GUCY1A2: variants seen among roughly 807,000 people sequenced by gnomAD.
The protein encoded by GUCY1A2 is guanylate cyclase soluble subunit alpha-2.
GUCY1A2 carries 27 observed loss-of-function variants against 63.5 expected under a neutral mutation model. The observed-to-expected ratio is 0.43, with a 90% confidence interval of 0.31 to 0.59. The LOEUF (loss-of-function observed/expected upper bound fraction) is 0.59. Among genes scored for constraint, GUCY1A2 ranks in the 20% least tolerant of loss-of-function variants. The probability of loss-of-function intolerance (pLI) is 0.11; values close to 1 mark genes in which losing one functional copy is unlikely to be tolerated. For synonymous variants in GUCY1A2, 364 were observed against 343.5 expected (o/e 1.06, Z -0.66); for missense variants, 768 against 913.3 (o/e 0.84, Z 2.05).
intron 2 of GUCY1A2, among the ~76,000 whole-genome samples, chr11:106,979,855 A>T (rs1165289134): frequency 6.6e-6 from 1 of 152,184 alleles, no homozygotes; most frequent in African/African-American, 2.4e-5. Context: ...GAAGCAAAAG[A>T]ACAGAAAGAC....
chr11:106,767,096 T>TGTATCAGTAGTCTTA (rs796695502), intron 6 of GUCY1A2, among the ~76,000 whole-genome samples: 43 of 152,220 alleles, frequency 2.8e-4, no homozygotes, highest in African/African-American at 1.0e-3. Context: ...CTATGGACAT[T>TGTATCAGTAGTCTTA]GTATCAGTAG....
chr11:106,696,164 T>C (rs552181600), intron 7 of GUCY1A2, among the ~76,000 whole-genome samples: 1 of 152,332 alleles, frequency 6.6e-6, no homozygotes, highest in South Asian at 2.1e-4. Flanking sequence ...GGATGCTAAA[T>C]AACTAAAGAT....
chr11:106,965,197 G>A (rs1489942945), intron 3 of GUCY1A2, among the ~76,000 whole-genome samples: 7 of 151,930 alleles, frequency 4.6e-5, no homozygotes, highest in African/African-American at 7.3e-5. Context: ...CTTTCCTGTA[G>A]TTTAAAAAAC....
chr11:106,743,417 G>A (rs1863731941), intron 6 of GUCY1A2, among the ~76,000 whole-genome samples: 1 of 152,136 alleles, frequency 6.6e-6, no homozygotes, highest in South Asian at 2.1e-4. Flanking sequence ...ACAAATACAT[G>A]TAACCTTTCC....
At chr11:106,699,909 G>A (rs560610607) in intron 7 of GUCY1A2, among the ~76,000 whole-genome samples, 9 of 151,990 alleles carry the variant, frequency 5.9e-5, no homozygotes, top group African/African-American at 2.2e-4. Context: ...AGCCTCACGA[G>A]TAGCTGGGAC....
At chr11:106,827,151 T>C (rs370226252) in intron 4 of GUCY1A2, 3 of 1,493,326 alleles carry the variant, frequency 2.0e-6, no homozygotes, top group Non-Finnish European at 2.8e-6. Context: ...AAAACTCTTT[T>C]GTTCCTTTAA....
intron 6 of GUCY1A2, among the ~76,000 whole-genome samples, chr11:106,731,090 T>C (rs988108267): frequency 6.6e-6 from 1 of 152,158 alleles, no homozygotes; most frequent in Non-Finnish European, 1.5e-5. Context: ...TGCAGATCTT[T>C]AGTTTAATTA....
At chr11:107,006,656 T>C (rs1486303836) in intron 1 of GUCY1A2, among the ~76,000 whole-genome samples, 1 of 152,212 alleles carries the variant, frequency 6.6e-6, no homozygotes, top group Non-Finnish European at 1.5e-5. Flanking sequence ...AAGTACCATT[T>C]ACTTCCTCAG....
intron 6 of GUCY1A2, among the ~76,000 whole-genome samples, chr11:106,759,601 G>C (rs1864030329): frequency 6.6e-6 from 1 of 152,170 alleles, no homozygotes; most frequent in East Asian, 1.9e-4. Context: ...TACCAGAGTA[G>C]GGGGGACCCC....
At chr11:106,879,424 G>T (rs1859794347) in intron 4 of GUCY1A2, among the ~76,000 whole-genome samples, 2 of 152,058 alleles carry the variant, frequency 1.3e-5, no homozygotes, top group Non-Finnish European at 2.9e-5. Flanking sequence ...AGAAAGAAAA[G>T]CTTTAGGAGT....
chr11:106,831,551 C>G (rs932004432), intron 4 of GUCY1A2, among the ~76,000 whole-genome samples: 1 of 152,306 alleles, frequency 6.6e-6, no homozygotes, highest in Admixed American at 6.5e-5. Context: ...CAGGTTACAG[C>G]TATACTGACT....
intron 4 of GUCY1A2, among the ~76,000 whole-genome samples, chr11:106,812,610 T>C (rs902862774): frequency 3.9e-5 from 6 of 151,986 alleles, no homozygotes; most frequent in African/African-American, 1.4e-4. Context: ...AATTAGTGTA[T>C]GTATGTATGC....
At chr11:106,742,962 A>G (rs574122490) in intron 6 of GUCY1A2, among the ~76,000 whole-genome samples, 6 of 152,314 alleles carry the variant, frequency 3.9e-5, no homozygotes, top group Non-Finnish European at 8.8e-5. Context: ...ATGGAAAAGT[A>G]TAAATATATT....
At chr11:106,936,544 A>G in intron 4 of GUCY1A2, 1 of 561,408 alleles carries the variant, frequency 1.8e-6, no homozygotes, top group Non-Finnish European at 3.1e-6. Flanking sequence ...AAATAGGGAG[A>G]GAGAAGAATA....
chr11:107,004,108 C>T (rs1024642817), intron 1 of GUCY1A2, among the ~76,000 whole-genome samples: 1 of 152,104 alleles, frequency 6.6e-6, no homozygotes, highest in African/African-American at 2.4e-5. Context: ...TGATTGAGGG[C>T]TGACTGTCAA....
intron 4 of GUCY1A2, among the ~76,000 whole-genome samples, chr11:106,837,693 G>C (rs971861070): frequency 1.3e-5 from 2 of 151,896 alleles, no homozygotes; most frequent in African/African-American, 2.4e-5. Context: ...ATTGAAAAAA[G>C]AATCTATATA....
intron 6 of GUCY1A2, among the ~76,000 whole-genome samples, chr11:106,712,976 T>C (rs1863146639): frequency 6.6e-6 from 1 of 152,156 alleles, no homozygotes; most frequent in Admixed American, 6.5e-5. Flanking sequence ...GAGGGTCTTT[T>C]TGCAACTCTT....
At chr11:106,940,987 GGGAT>G (rs1860745342) in intron 3 of GUCY1A2, among the ~76,000 whole-genome samples, 1 of 152,258 alleles carries the variant, frequency 6.6e-6, no homozygotes, top group African/African-American at 2.4e-5. Context: ...CACATGAATG[GGGAT>G]AGGCATCAAG....
At chr11:106,701,031 T>A (rs1162315998) in intron 7 of GUCY1A2, among the ~76,000 whole-genome samples, 2 of 152,184 alleles carry the variant, frequency 1.3e-5, no homozygotes, top group African/African-American at 4.8e-5. Context: ...TTTAATGAAA[T>A]AAAAACTATA....
Sources: gnomAD v4.1 joint callset for allele counts (sites outside exome capture counted in the v4.1 genomes callset) on GRCh38, gnomAD v4.1.1 for gene constraint, MANE v1.5 for transcripts, NCBI Gene and HGNC (gene_info 2026-07-23, HGNC 2026-07-21) for gene names.